Variants in ROCK2 observed in about 807,000 individuals in gnomAD.
ROCK2 encodes the protein rho-associated protein kinase 2.
A neutral mutation model predicts 195.1 loss-of-function variants in ROCK2; 61 were observed. The observed-to-expected ratio is 0.31, with a 90% CI of 0.25 to 0.39. ROCK2 has a LOEUF of 0.39. Ranked by LOEUF, ROCK2 falls within the 10% of genes least tolerant of loss-of-function variation. The probability of loss-of-function intolerance (pLI) is 1.00; values close to 1 mark genes in which losing one functional copy is unlikely to be tolerated. For synonymous variants in ROCK2, 504 were observed against 545.5 expected, an observed-to-expected ratio of 0.92 and a Z score of 1.06; for missense variants, 1,109 against 1,637.4, an observed-to-expected ratio of 0.68 and a Z score of 5.57.
chr2:11,332,914 G>A (rs1270629233), intron 1 of ROCK2, among the ~76,000 whole-genome samples: 2 of 152,186 alleles, frequency 1.3e-5, no homozygotes, highest in Non-Finnish European at 2.9e-5. Flanking sequence ...AAGCCAGGTA[G>A]AAATCACTGC....
At chr2:11,275,779 A>C (rs1204020683) in intron 3 of ROCK2, among the ~76,000 whole-genome samples, 2 of 147,904 alleles carry the variant, frequency 1.4e-5, no homozygotes, top group Non-Finnish European at 3.0e-5. Context: ...AGCTCACTGC[A>C]ACCTCCACCT....
intron 3 of ROCK2, among the ~76,000 whole-genome samples, chr2:11,270,673 T>C (rs1666595646): frequency 6.6e-6 from 1 of 152,212 alleles, no homozygotes. Flanking sequence ...CTGTTAAAAG[T>C]GTTTTTGATC....
In ROCK2 at chr2:11,181,597, A is replaced by C. The variant is rs1662994308; in HGVS notation, c.*1840T>G. 1 of 151,744 alleles carries C rather than the reference A, an allele frequency of 6.6e-6. No individual in the cohort carries two copies. The highest frequency in any genetic ancestry group is 1.5e-5 in the Non-Finnish European group (1 of 67,982). 9.4% of individuals were successfully genotyped at this position (151,744 alleles called of 1,614,324 possible). A position where few individuals can be genotyped will look rare whatever the true frequency, so the allele number is the denominator to read the frequency against. ...ACTGACATCAGAGGGAATCAATGAA[A>C]AATGTCTATTTCCTTCATCGAAATA... On this transcript the variant is annotated 3_prime_UTR_variant, in exon 33 of 33. Coordinates refer to ENST00000315872, the MANE Select transcript of ROCK2 (RefSeq NM_004850.5).
chr2:11,342,281 T>C (rs1182834625), intron 1 of ROCK2, among the ~76,000 whole-genome samples: 1 of 152,170 alleles, frequency 6.6e-6, no homozygotes, highest in Non-Finnish European at 1.5e-5. Context: ...TTAATAAAAG[T>C]GTGTTTTGGC....
In ROCK2 at chr2:11,239,811, G is replaced by A. The variant is rs544106456; in HGVS notation, c.463-3849C>T. 1.3e-4 allele frequency among the ~76,000 whole-genome samples: 20 copies of A among 152,252 alleles called. 1 individual carries two copies. Among genetic ancestry groups the A allele is most frequent in the South Asian group, 1.2e-3 (6 of 4,812 alleles). ...ACTTCAGAAATCAGCTGCACTTTGG[G>A]GATCCCCAGGTTCCCTATATTTTGG... On this transcript the variant is annotated intron_variant, in intron 4 of 32. Transcript: ENST00000315872.
chr2:11,255,908 G>A (rs79367875), intron 3 of ROCK2, among the ~76,000 whole-genome samples: 2,673 of 107,426 alleles, frequency 0.025, 65 homozygotes, highest in East Asian at 0.071. Context: ...CAGTCTGGAT[G>A]AGAGAGTATG....
chr2:11,300,121 T>C (rs1190937592), intron 1 of ROCK2, among the ~76,000 whole-genome samples: 3 of 152,186 alleles, frequency 2.0e-5, no homozygotes, highest in African/African-American at 4.8e-5. Context: ...AATAGGTAAA[T>C]CTACAGTTTC....
At chr2:11,330,761 G>GGAGGAGGAAGAGA (rs1668701600) in intron 1 of ROCK2, among the ~76,000 whole-genome samples, 1 of 107,298 alleles carries the variant, frequency 9.3e-6, no homozygotes, top group Non-Finnish European at 2.0e-5. Flanking sequence ...GGAGGAGGAG[G>GGAGGAGGAAGAGA]GAGGAGGAGG....
chr2:11,297,357 T>C (rs948167353), intron 1 of ROCK2, among the ~76,000 whole-genome samples: 2 of 152,092 alleles, frequency 1.3e-5, no homozygotes, highest in Admixed American at 6.5e-5. Flanking sequence ...AAATTTGTAT[T>C]AATAACTCAT....
chr2:11,317,488 C>T (rs899291213), intron 1 of ROCK2, among the ~76,000 whole-genome samples: 2 of 145,472 alleles, frequency 1.4e-5, no homozygotes, highest in Non-Finnish European at 3.0e-5. Flanking sequence ...AAATAAAGGA[C>T]ATAAAATGTC....
At chr2:11,314,945 A>G (rs1340354126) in intron 1 of ROCK2, among the ~76,000 whole-genome samples, 3 of 152,064 alleles carry the variant, frequency 2.0e-5, no homozygotes, top group Non-Finnish European at 1.5e-5. Context: ...ATTCTTATCC[A>G]TAAGCAAAAC....
intron 1 of ROCK2, among the ~76,000 whole-genome samples, chr2:11,311,630 G>A (rs926470938): frequency 4.6e-5 from 7 of 152,234 alleles, no homozygotes; most frequent in South Asian, 2.1e-4. Flanking sequence ...AGAAGAAAAC[G>A]TAAATCCTCC....
At chr2:11,339,210 T>C (rs1669028490) in intron 1 of ROCK2, among the ~76,000 whole-genome samples, 1 of 152,188 alleles carries the variant, frequency 6.6e-6, no homozygotes, top group Admixed American at 6.5e-5. Context: ...TCCAATTTAC[T>C]TTAAGTGAAC....
intron 30 of ROCK2, 59 bp downstream of exon 30, chr2:11,193,720 T>C (rs1663519959): frequency 1.0e-6 from 1 of 984,904 alleles, no homozygotes; most frequent in South Asian, 1.5e-5. Context: ...TGAGAACTTC[T>C]AAATGTGAAA....
intron 6 of ROCK2, among the ~76,000 whole-genome samples, chr2:11,225,564 T>C (rs1453702751): frequency 6.6e-6 from 1 of 152,142 alleles, no homozygotes; most frequent in Non-Finnish European, 1.5e-5. Flanking sequence ...GGCCTTGAGC[T>C]CCTGGGCTCA....
At chr2:11,228,616 T>C (rs1664893318) in intron 5 of ROCK2, among the ~76,000 whole-genome samples, 1 of 152,156 alleles carries the variant, frequency 6.6e-6, no homozygotes, top group East Asian at 1.9e-4. Flanking sequence ...TATCATGGAC[T>C]GTCCTATAGT....
At chr2:11,303,106 A>G (rs915604335) in intron 1 of ROCK2, among the ~76,000 whole-genome samples, 3 of 152,220 alleles carry the variant, frequency 2.0e-5, no homozygotes, top group South Asian at 2.1e-4. Context: ...TTCTTCAGTC[A>G]TGTCTACTTG....
At chr2:11,322,828 G>C (rs766801421) in intron 1 of ROCK2, among the ~76,000 whole-genome samples, 1 of 152,056 alleles carries the variant, frequency 6.6e-6, no homozygotes, top group Non-Finnish European at 1.5e-5. Flanking sequence ...CCTGAGTTAC[G>C]CGTTCCATTT....
Position 11,180,802 on chromosome 2 carries a change from G to A in ROCK2, c.*2635C>T, listed in dbSNP as rs1160634542. ...TTTTATATTTAATAAGTGTTGGGAA[G>A]AAAACACATTGATAGGTGCATGCAC... On this transcript the variant is annotated 3_prime_UTR_variant, in exon 33 of 33. Transcript: ENST00000315872. 1 of 152,144 alleles carries A rather than the reference G, an allele frequency of 6.6e-6. No individual in the cohort carries two copies. The highest frequency in any genetic ancestry group is 1.5e-5 in the Non-Finnish European group (1 of 68,022). 9.4% of individuals were successfully genotyped at this position (152,144 alleles called of 1,614,324 possible).
Sources: allele counts gnomAD v4.1 joint callset (sites outside exome capture counted in the v4.1 genomes callset), GRCh38; gene constraint gnomAD v4.1.1; transcripts MANE v1.5; gene names NCBI Gene and HGNC (gene_info 2026-07-23, HGNC 2026-07-21).